Variants in RAB11FIP1 observed in about 807,000 individuals in gnomAD.
The protein encoded by RAB11FIP1 is rab11 family-interacting protein 1.
In RAB11FIP1, 49 loss-of-function variants were observed where a neutral mutation model predicts 83.1. The ratio of observed to expected loss-of-function variants is 0.59; its 90% CI spans 0.47 to 0.75. RAB11FIP1 has a LOEUF of 0.75. RAB11FIP1 is among the 30% of genes least tolerant of loss of function. RAB11FIP1 has a pLI of 0.00. For missense variants in RAB11FIP1, 1,536 were observed against 1,598.7 expected (o/e 0.96, Z 0.67); for synonymous variants, 670 against 656.0 (o/e 1.02, Z -0.33).
intron 5 of RAB11FIP1, among the ~76,000 whole-genome samples, chr8:37,867,092 G>C (rs554308760): frequency 6.6e-6 from 1 of 152,202 alleles, no homozygotes; most frequent in Non-Finnish European, 1.5e-5. Flanking sequence ...TAACTTCCCA[G>C]AAACAAGGTG....
rs1290100732 is a variant in RAB11FIP1 at position 37,861,984 on chromosome 8, A to AG, written c.*910dup. The AG allele has an allele frequency of 5.4e-6, 1 of 183,866 alleles. No homozygotes were observed. Among genetic ancestry groups the AG allele is most frequent in the Non-Finnish European group, 1.2e-5 (1 of 86,118 alleles). The allele number at this position is 183,866 out of a possible 1,614,324, so 11.4% of individuals were successfully genotyped here. On this transcript the variant is annotated 3_prime_UTR_variant, in exon 6 of 6. Transcript: ENST00000330843. The stretch of plus-strand genomic sequence containing the variant: ...AAACCAGAGCACCGAGCAAAGGCAC[A>AG]GGGGGAAAAGGCCAAGCAATCGTAT...
At chr8:37,870,564 G>A (rs201794263) in intron 4 of RAB11FIP1, 36 bp from the exon 5 acceptor site, 72 of 1,194,698 alleles carry the variant, frequency 6.0e-5, no homozygotes, top group Middle Eastern at 5.2e-4. Flanking sequence ...TAGACCCTCC[G>A]GTCATGGCAA....
At chr8:37,887,462 T>C (rs1261485296) in intron 1 of RAB11FIP1, among the ~76,000 whole-genome samples, 1 of 142,322 alleles carries the variant, frequency 7.0e-6, no homozygotes, top group African/African-American at 2.7e-5. Context: ...ACCTGGAAAG[T>C]GGAGGTTGCA....
Position 37,877,150 on chromosome 8 carries a change from T to C in RAB11FIP1, c.773A>G (p.Asp258Gly). ...GGACTCATCCTCATTGTCATCTTCA[T>C]CCCACTGGGACTGAAAGTCTCCGGG... The part of the protein sequence containing the change: ...LRPGDFQSQW[D>G]EDDNEDESSS... Residue 258 changes from aspartate to glycine, a missense_variant, in exon 2 of 6, where the codon GAT (aspartate) becomes GGT (glycine). By Grantham distance (94) the Asp-to-Gly change is moderately conservative. Coordinates refer to ENST00000330843, the MANE Select transcript of RAB11FIP1 (RefSeq NM_001002814.3). 1 of 1,614,090 alleles carries C rather than the reference T, an allele frequency of 6.2e-7. No individual in the cohort carries two copies. Among genetic ancestry groups the C allele is most frequent in the Middle Eastern group, 1.6e-4 (1 of 6,062 alleles).
chr8:37,874,802 A>T lies in RAB11FIP1; in HGVS notation c.1335T>A (p.Asp445Glu). Residue 445 changes from aspartate to glutamate, a missense_variant, in exon 3 of 6, where the codon GAT (aspartate) becomes GAA (glutamate). Coordinates refer to ENST00000330843, the MANE Select transcript of RAB11FIP1 (RefSeq NM_001002814.3). Reference sequence around the variant, plus strand: ...TTTCACCTTCACTGCCCTTAGCCACATCCTTCTTCCCCGTCATCAGAGACA... The same window carrying T: ...TTTCACCTTCACTGCCCTTAGCCACTTCCTTCTTCCCCGTCATCAGAGACA... ...SLLSLMTGKK[D>E]VAKGSEGENP... is the part of the protein sequence containing the mutation. The T allele has an allele frequency of 6.2e-7, 1 of 1,613,932 alleles. No individual in the cohort carries two copies. Among genetic ancestry groups the T allele is most frequent in the Non-Finnish European group, 8.5e-7 (1 of 1,179,992 alleles).
intron 5 of RAB11FIP1, 134 bp downstream of exon 5, chr8:37,870,286 A>T: frequency 1.9e-6 from 1 of 518,696 alleles, no homozygotes; most frequent in Non-Finnish European, 3.5e-6. Context: ...TCCAAAGTTT[A>T]CTCAAAGACT....
At chr8:37,878,490 C>T (rs538396406) in intron 1 of RAB11FIP1, among the ~76,000 whole-genome samples, 1 of 140,600 alleles carries the variant, frequency 7.1e-6, no homozygotes, top group South Asian at 2.3e-4. Flanking sequence ...GCCGAGATCG[C>T]ACCACTGCAC....
rs747670811 is a variant in RAB11FIP1 at position 37,874,957 on chromosome 8, T to C, written c.1180A>G (p.Thr394Ala). ...GGGGCAGGTCGGTAGGACGGCAGGG[T>C]CATAGACTTCAAGGAGTCCTTGGTG... Reference protein sequence around the residue: ...SSTKDSLKSMTLPSYRPAPLV... With the variant: ...SSTKDSLKSMALPSYRPAPLV... Residue 394 changes from threonine (T) to alanine (A), a missense_variant, in exon 3 of 6, where the codon ACC becomes GCC. Thr to Ala is a moderately conservative substitution (Grantham distance 58). Transcript: ENST00000330843. 1 of 1,613,976 alleles carries C rather than the reference T, an allele frequency of 6.2e-7. No homozygotes were observed. The highest frequency in any genetic ancestry group is 8.5e-7 in the Non-Finnish European group (1 of 1,179,998).
At chr8:37,876,965 C>G in intron 2 of RAB11FIP1, 144 bp downstream of exon 2, 6 of 690,024 alleles carry the variant, frequency 8.7e-6, no homozygotes, top group African/African-American at 1.8e-5. Context: ...TTAACCACCG[C>G]TATCATCATC....
intron 5 of RAB11FIP1, among the ~76,000 whole-genome samples, chr8:37,865,315 C>CTTTTTTTTTTTTTT (rs11407439): frequency 1.4e-5 from 2 of 142,934 alleles, no homozygotes; most frequent in Non-Finnish European, 3.0e-5. Context: ...TCCTGGGATT[C>CTTTTTTTTTTTTTT]TTTTTTTTTT....
Position 37,862,614 on chromosome 8 carries a change from G to A in RAB11FIP1, c.*281C>T, listed in dbSNP as rs1806260641. 3 of 312,884 alleles carry A rather than the reference G, an allele frequency of 9.6e-6. No homozygotes were observed. In the East Asian group the frequency reaches 1.8e-4, roughly 19 times the overall value. The allele number at this position is 312,884 out of a possible 1,614,324, so 19.4% of individuals were successfully genotyped here. ...TGTGCCATCTGAATCTCTGGCTCAG[G>A]ATCAGATCTTATGACCACATCTCTG... On this transcript the variant is annotated 3_prime_UTR_variant, in exon 6 of 6. Transcript: ENST00000330843.
intron 1 of RAB11FIP1, among the ~76,000 whole-genome samples, chr8:37,895,991 A>G (rs1270211802): frequency 6.6e-6 from 1 of 152,110 alleles, no homozygotes; most frequent in Non-Finnish European, 1.5e-5. Context: ...TGACTTTTCT[A>G]GCACACCTCA....
chr8:37,891,169 G>C (rs996286475), intron 1 of RAB11FIP1, among the ~76,000 whole-genome samples: 6 of 152,154 alleles, frequency 3.9e-5, no homozygotes, highest in Non-Finnish European at 8.8e-5. Context: ...CCAATACAAG[G>C]GTCTGGGGGT....
At chr8:37,881,305 C>A (rs755438826) in intron 1 of RAB11FIP1, among the ~76,000 whole-genome samples, 6 of 152,216 alleles carry the variant, frequency 3.9e-5, no homozygotes, top group Admixed American at 2.0e-4. Context: ...TTCTCCTATT[C>A]TTTCCCCTAC....
At chr8:37,896,885 A>G (rs903556035) in intron 1 of RAB11FIP1, among the ~76,000 whole-genome samples, 1 of 152,190 alleles carries the variant, frequency 6.6e-6, no homozygotes, top group Non-Finnish European at 1.5e-5. Flanking sequence ...TGGAATCTCC[A>G]TCTCTGGCAG....
chr8:37,878,617 C>A (rs138105759), intron 1 of RAB11FIP1, among the ~76,000 whole-genome samples: 2 of 145,864 alleles, frequency 1.4e-5, no homozygotes, highest in African/African-American at 5.1e-5. Context: ...AATTAAATCT[C>A]AGAGAAAATC....
At position 37,871,761 on chromosome 8, in the gene RAB11FIP1, G is replaced by A. The variant is rs1400920034; in HGVS notation, c.3041C>T (p.Pro1014Leu). The change falls in exon 4 of 6, where the codon CCC becomes CTC. Residue 1014 changes from proline (P) to leucine (L), a missense_variant. Physicochemically the swap from Pro to Leu is moderately conservative, Grantham distance 98 (BLOSUM62 -3). Coordinates refer to ENST00000330843, the MANE Select transcript of RAB11FIP1 (RefSeq NM_001002814.3). The part of the protein sequence containing the change: ...VVPCPERGKG[P>L]SGEADRLVLG... ...TACCAACCTATCTGCCTCGCCACTG[G>A]GCCCCTTTCCCCTCTCAGGACAGGG... 3 of 1,613,688 alleles carry A rather than the reference G, an allele frequency of 1.9e-6. No individual in the cohort carries two copies. Among genetic ancestry groups the A allele is most frequent in the Non-Finnish European group, 2.5e-6 (3 of 1,179,966 alleles).
chr8:37,869,177 G>A (rs1409173520), intron 5 of RAB11FIP1, among the ~76,000 whole-genome samples: 24 of 149,428 alleles, frequency 1.6e-4, no homozygotes, highest in Admixed American at 1.3e-3. Flanking sequence ...ATGATGAGCC[G>A]TGATCATGCC....
At position 37,876,645 on chromosome 8, in the gene RAB11FIP1, A is replaced by AT. The variant is rs112409356; in HGVS notation, c.814+463dup. ...TTTTAAAAAAAGAAACAGAGAGGGC[A>AT]TTTTTTTTTTTTTGAGACAGAGTCT... On this transcript the variant is annotated intron_variant, in intron 2 of 5. Coordinates refer to ENST00000330843, the MANE Select transcript of RAB11FIP1 (RefSeq NM_001002814.3). Among the ~76,000 whole-genome samples the AT allele has an allele frequency of 8.7e-3, 1,225 of 141,150 alleles. 8 individuals carry two copies. Among genetic ancestry groups the AT allele is most frequent in the African/African-American group, 0.023 (880 of 38,724 alleles). 92.6% of individuals were successfully genotyped at this position (141,150 alleles called of 152,430 possible).
Sources: allele counts gnomAD v4.1 joint callset (sites outside exome capture counted in the v4.1 genomes callset), GRCh38; gene constraint gnomAD v4.1.1; transcripts MANE v1.5; gene names NCBI Gene and HGNC (gene_info 2026-07-23, HGNC 2026-07-21).